BRCC3: variants seen among roughly 807,000 people sequenced by gnomAD.
BRCC3 encodes the protein lys-63-specific deubiquitinase BRCC36.
In BRCC3, 15 loss-of-function variants were observed where a neutral mutation model predicts 28.0. The observed-to-expected ratio is 0.54, with a 90% CI of 0.36 to 0.82. BRCC3 has a LOEUF of 0.82. BRCC3 is among the 40% of genes least tolerant of loss of function. The probability of loss-of-function intolerance (pLI) is 0.01; values close to 1 mark genes in which losing one functional copy is unlikely to be tolerated. For synonymous variants in BRCC3, 66 were observed against 80.3 expected (o/e 0.82, Z 0.95); for missense variants, 109 against 225.9 (o/e 0.48, Z 3.32).
chrX:155,103,329 G>C (rs1557297081), intron 7 of BRCC3, among the ~76,000 whole-genome samples: 2 of 112,202 alleles, frequency 1.8e-5, no homozygotes, highest in Non-Finnish European at 3.8e-5. Flanking sequence ...TCTTCTTGAA[G>C]AACATCCTTT....
chrX:155,078,843 A>G, intron 5 of BRCC3, 140 bp downstream of exon 5: 3 of 420,432 alleles, frequency 7.1e-6, no homozygotes, highest in Admixed American at 4.6e-5. Context: ...TTATTTTATT[A>G]TGTATTAAAA....
At chrX:155,108,731 G>C (rs1557297795) in intron 7 of BRCC3, among the ~76,000 whole-genome samples, 1 of 111,044 alleles carries the variant, frequency 9.0e-6, no homozygotes. Flanking sequence ...AACTTTCTTA[G>C]TACTTCAAAA....
intron 3 of BRCC3, among the ~76,000 whole-genome samples, chrX:155,075,251 C>G (rs782228315): frequency 8.2e-4 from 44 of 53,651 alleles, no homozygotes; most frequent in Non-Finnish European, 1.1e-3. Flanking sequence ...AGATTTCACC[C>G]TTGTCCCTTC....
chrX:155,114,206 C>T (rs2074339836), intron 7 of BRCC3, among the ~76,000 whole-genome samples: 1 of 111,395 alleles, frequency 9.0e-6, no homozygotes. Flanking sequence ...AAAAGCATCC[C>T]ACATGTCCAT....
rs1478682177 is a variant in BRCC3, at chrX:155,116,051, T to C, written c.549-6T>C. The C allele has an allele frequency of 5.8e-6, 7 of 1,205,561 alleles. No individual in the cohort carries two copies. In the South Asian group the frequency reaches 8.8e-5, roughly 15 times the overall value. ...TAAAAACTGACCTGAACTGATTGCC[T>C]CACAGGTATGAGAGAATCGAAATCC... On this transcript the variant is annotated splice_polypyrimidine_tract_variant and splice_region_variant and intron_variant, in intron 7 of 10. Transcript: ENST00000330045.
At chrX:155,084,181 C>A (rs1459092304) in intron 5 of BRCC3, among the ~76,000 whole-genome samples, 1 of 112,367 alleles carries the variant, frequency 8.9e-6, no homozygotes, top group Non-Finnish European at 1.9e-5. Flanking sequence ...GATTTAAATG[C>A]TGCAGACTAT....
intron 7 of BRCC3, among the ~76,000 whole-genome samples, chrX:155,112,639 A>G (rs1215867417): frequency 8.9e-6 from 1 of 112,549 alleles, no homozygotes; most frequent in Non-Finnish European, 1.9e-5. Flanking sequence ...TAAGCATTCA[A>G]CACAGGACTG....
In BRCC3 at chrX:155,075,286, T is replaced by TGGTTTTGC. The variant is rs1557293358; in HGVS notation, c.195+1855_195+1856insGGTTTTGC. The stretch of plus-strand genomic sequence containing the variant: ...CAACATCTGATAATGCTAAGCCCAC[T>TGGTTTTGC]CTTTCCCCTGGCCCTTCTTGTTCTT... On this transcript the variant is annotated intron_variant, in intron 3 of 10. Coordinates refer to ENST00000330045, the MANE Select transcript of BRCC3 (RefSeq NM_001018055.3). 1.0e-4 allele frequency among the ~76,000 whole-genome samples: 5 copies of TGGTTTTGC among 50,051 alleles called. No homozygotes were observed. The African/African-American group carries it at 3.1e-3, about 31-fold the overall frequency. The allele number at this position is 50,051 out of a possible 115,157, so 43.5% of individuals were successfully genotyped here. A position where few individuals can be genotyped will look rare whatever the true frequency, so the allele number is the denominator to read the frequency against.
chrX:155,116,882 C>T (rs1326412548), intron 9 of BRCC3, 128 bp downstream of exon 9: 6 of 465,395 alleles, frequency 1.3e-5, no homozygotes, highest in Non-Finnish European at 2.2e-5. Context: ...CTTCCTTTCC[C>T]AAGGGTTTTC....
At chrX:155,075,227 A>G (rs1210811660) in intron 3 of BRCC3, among the ~76,000 whole-genome samples, 2 of 56,915 alleles carry the variant, frequency 3.5e-5, no homozygotes, top group African/African-American at 2.7e-4. Flanking sequence ...AGCTTGTTTC[A>G]AAAGCCTTCT....
chrX:155,115,948 C>T (rs2074351935), intron 7 of BRCC3, 109 bp from the exon 8 acceptor site: 1 of 778,725 alleles, frequency 1.3e-6, no homozygotes, highest in Admixed American at 3.0e-5. Flanking sequence ...TACAGCAATG[C>T]TTAATCTTTA....
At position 155,114,461 on chromosome X, in the gene BRCC3, G is replaced by A. The variant is rs782381214; in HGVS notation, c.549-1596G>A. 4.5e-5 allele frequency among the ~76,000 whole-genome samples: 5 copies of A among 110,809 alleles called. No homozygotes were observed. The South Asian group carries it at 1.9e-3, about 42-fold the overall frequency. ...AGGGGCCGGGAGAAGGGAGAAAGGG[G>A]AGTTTCAGTTCTGCAAGGTGAGAAT... is the stretch of plus-strand genomic sequence containing the variant. On this transcript the variant is annotated intron_variant, in intron 7 of 10. Transcript: ENST00000330045.
chrX:155,114,918 C>T (rs1253671366), intron 7 of BRCC3, among the ~76,000 whole-genome samples: 1 of 111,485 alleles, frequency 9.0e-6, no homozygotes, highest in Non-Finnish European at 1.9e-5. Context: ...CAGCCAATCA[C>T]AAGCAATATG....
chrX:155,120,230 T>A, intron 10 of BRCC3, 62 bp downstream of exon 10: 4 of 862,484 alleles, frequency 4.6e-6, no homozygotes, highest in Non-Finnish European at 6.7e-6. Flanking sequence ...ACAGCTCACA[T>A]GCAGGCAGAC....
intron 7 of BRCC3, among the ~76,000 whole-genome samples, chrX:155,104,662 G>A (rs1383928362): frequency 1.8e-5 from 2 of 112,388 alleles, no homozygotes; most frequent in Admixed American, 9.3e-5. Context: ...TTCTCAACTC[G>A]GCATCTGCCA....
At chrX:155,090,484 C>A (rs2124268596) in intron 6 of BRCC3, among the ~76,000 whole-genome samples, 1 of 111,769 alleles carries the variant, frequency 8.9e-6, no homozygotes, top group South Asian at 3.8e-4. Flanking sequence ...TATTTATTGT[C>A]ATCATAAGTA....
intron 5 of BRCC3, among the ~76,000 whole-genome samples, chrX:155,081,841 C>A (rs782163675): frequency 3.6e-5 from 4 of 111,365 alleles, no homozygotes; most frequent in African/African-American, 9.8e-5. Flanking sequence ...TTACTGGATA[C>A]CTGTATGGAA....
chrX:155,112,242 A>T (rs1557298219), intron 7 of BRCC3, among the ~76,000 whole-genome samples: 1 of 111,733 alleles, frequency 8.9e-6, no homozygotes, highest in African/African-American at 3.2e-5. Context: ...GCCATTATTA[A>T]GTAAAATAAG....
intron 2 of BRCC3, among the ~76,000 whole-genome samples, chrX:155,072,703 A>G (rs1029354842): frequency 1.8e-5 from 2 of 110,131 alleles, no homozygotes; most frequent in Non-Finnish European, 3.8e-5. Flanking sequence ...CTGAGATTAC[A>G]GGTGCCCGCC....
Sources: gnomAD v4.1 joint callset for allele counts (sites outside exome capture counted in the v4.1 genomes callset) on GRCh38, gnomAD v4.1.1 for gene constraint, MANE v1.5 for transcripts, NCBI Gene and HGNC (gene_info 2026-07-23, HGNC 2026-07-21) for gene names.